Variants in DSN1 observed in about 807,000 individuals in gnomAD.
DSN1 encodes kinetochore-associated protein DSN1 homolog.
Under a neutral mutation model 45.7 loss-of-function variants are expected in DSN1, and 31 were observed. The ratio of observed to expected loss-of-function variants is 0.68; its 90% CI spans 0.51 to 0.92. DSN1 has a LOEUF of 0.92. Ranked by LOEUF, DSN1 falls within the 40% of genes least tolerant of loss-of-function variation. The pLI, the probability that DSN1 is intolerant of heterozygous loss-of-function variation, is 0.00. For synonymous variants in DSN1, 134 were observed against 142.3 expected, an observed-to-expected ratio of 0.94 and a Z score of 0.41; for missense variants, 394 against 414.2, an observed-to-expected ratio of 0.95 and a Z score of 0.42.
intron 8 of DSN1, among the ~76,000 whole-genome samples, chr20:36,756,984 T>C (rs1287765654): frequency 6.6e-6 from 1 of 152,228 alleles, no homozygotes; most frequent in African/African-American, 2.4e-5. Context: ...GACTAACATT[T>C]TGTAGTTGGG....
intron 8 of DSN1, among the ~76,000 whole-genome samples, chr20:36,757,292 G>C (rs1986724587): frequency 6.6e-6 from 1 of 151,912 alleles, no homozygotes; most frequent in African/African-American, 2.4e-5. Flanking sequence ...GGAGTTGGAG[G>C]CTGCAGTGAG....
intron 5 of DSN1, among the ~76,000 whole-genome samples, chr20:36,766,565 G>T (rs1433967720): frequency 1.3e-5 from 2 of 152,112 alleles, no homozygotes; most frequent in Non-Finnish European, 2.9e-5. Flanking sequence ...TCAGGCAGGA[G>T]AATTGGTTGA....
chr20:36,771,451 G>A lies in DSN1; in HGVS notation c.8C>T (p.Ser3Leu). The change falls in exon 2 of 11, where the codon TCA becomes TTA. Residue 3 changes from serine to leucine, a missense_variant. Transcript: ENST00000373750. Reference protein sequence around the residue: MTSVTRSEIIDEK... With the variant: MTLVTRSEIIDEK... ...ATCTATGATCTCTGATCTAGTCACTGAAGTCATCCTAGGTGGTAAACTCTG... is the reference window on the plus strand; with the variant it reads ...ATCTATGATCTCTGATCTAGTCACTAAAGTCATCCTAGGTGGTAAACTCTG... 6.2e-7 allele frequency: 1 copy of A among 1,613,480 alleles called. No homozygotes were observed. Among genetic ancestry groups the A allele is most frequent in the East Asian group, 2.2e-5 (1 of 44,872 alleles).
chr20:36,762,900 A>T (rs1447262927), intron 5 of DSN1, among the ~76,000 whole-genome samples: 1 of 152,102 alleles, frequency 6.6e-6, no homozygotes, highest in Non-Finnish European at 1.5e-5. Flanking sequence ...GAATATAGGC[A>T]GCACCACCAT....
chr20:36,768,076 GATAGTTAC>G (rs1987447048), intron 3 of DSN1, 34 bp from the exon 4 acceptor site: 2 of 1,608,188 alleles, frequency 1.2e-6, no homozygotes, highest in Non-Finnish European at 1.7e-6. Context: ...TAAGGAGCTG[GATAGTTAC>G]ATAGTTAGCA....
At chr20:36,769,940 CAG>C (rs147257254) in intron 3 of DSN1, among the ~76,000 whole-genome samples, 865 of 84,982 alleles carry the variant, frequency 0.01, 5 homozygotes, top group Non-Finnish European at 0.011. Flanking sequence ...CACACACACA[CAG>C]AGAGAGAGAG....
Position 36,752,821 on chromosome 20 carries a change from G to A in DSN1, c.1038C>T (p.Ala346=), listed in dbSNP as rs1986443440. The change falls in exon 11 of 11, where the codon GCC becomes GCT. Residue 346 remains alanine (A), a synonymous_variant. Transcript: ENST00000373750. ...LLKLQLQNPP[A]IHGSGSGSCQ is the part of the protein sequence containing the mutation. ...AAGATCCAGATCCAGATCCATGTAT[G>A]GCAGGTGGGTTCTGTAGCTGAAGCT... The A allele has an allele frequency of 1.2e-6, 2 of 1,614,196 alleles. No homozygotes were observed. Among genetic ancestry groups the A allele is most frequent in the South Asian group, 1.1e-5 (1 of 91,090 alleles).
intron 1 of DSN1, 108 bp from the exon 2 acceptor site, chr20:36,771,581 G>T: frequency 2.0e-6 from 2 of 979,022 alleles, no homozygotes; most frequent in Non-Finnish European, 3.1e-6. Flanking sequence ...GCCTCTCTGA[G>T]CTACCCTTAT....
At chr20:36,763,450 C>CA (rs1299181851) in intron 5 of DSN1, among the ~76,000 whole-genome samples, 1 of 132,832 alleles carries the variant, frequency 7.5e-6, no homozygotes, top group Middle Eastern at 3.9e-3. Context: ...AGGCAATAGG[C>CA]AAGAGGGTAA....
At position 36,752,858 on chromosome 20, in the gene DSN1, C is replaced by T. The variant is rs143517734; in HGVS notation, c.1001G>A (p.Arg334Gln). 9 of 1,614,034 alleles carry T rather than the reference C, an allele frequency of 5.6e-6. No individual in the cohort carries two copies. Among genetic ancestry groups the T allele is most frequent in the African/African-American group, 5.3e-5 (4 of 74,916 alleles). ...SMQQLDPSPA[R>Q]KLLKLQLQNP... Reference sequence around the variant, plus strand: ...CTGTAGCTGAAGCTTCAACAGTTTTCGAGCTGGTGAGGGATCTAATTGTTG... The same window carrying T: ...CTGTAGCTGAAGCTTCAACAGTTTTTGAGCTGGTGAGGGATCTAATTGTTG... Residue 334 changes from arginine to glutamine, a missense_variant, in exon 11 of 11, where the codon CGA becomes CAA. Arg to Gln is a conservative substitution (Grantham distance 43). Transcript: ENST00000373750.
Position 36,758,572 on chromosome 20 carries a change from C to T in DSN1, c.636G>A (p.Lys212=). The T allele has an allele frequency of 6.2e-7, 1 of 1,611,176 alleles. No homozygotes were observed. Among genetic ancestry groups the T allele is most frequent in the South Asian group, 1.1e-5 (1 of 90,652 alleles). ...FSLEASVAEM[K]EYITKFSLER... ...GGTTAACTTACTTTGTTATGTATTC[C>T]TTCATCTCAGCCACAGATGCTTCCA... The change falls in exon 7 of 11, where the codon AAG becomes AAA. Residue 212 remains lysine, a synonymous_variant. Transcript: ENST00000373750.
chr20:36,770,793 C>T, intron 3 of DSN1, 80 bp downstream of exon 3: 1 of 1,474,314 alleles, frequency 6.8e-7, no homozygotes, highest in South Asian at 1.3e-5. Flanking sequence ...TTCTGCCATA[C>T]CTCACTGCCT....
intron 5 of DSN1, among the ~76,000 whole-genome samples, chr20:36,765,272 A>AT (rs1987253946): frequency 6.6e-6 from 1 of 150,886 alleles, no homozygotes; most frequent in South Asian, 2.1e-4. Flanking sequence ...AAAAAAAAAA[A>AT]AGGCCAGATG....
At chr20:36,765,915 G>A (rs868512392) in intron 5 of DSN1, among the ~76,000 whole-genome samples, 2 of 150,348 alleles carry the variant, frequency 1.3e-5, no homozygotes, top group East Asian at 3.9e-4. Flanking sequence ...AATCCAGGCC[G>A]GGCACAGTGG....
intron 3 of DSN1, 53 bp downstream of exon 3, chr20:36,770,820 C>G: frequency 1.3e-6 from 2 of 1,539,312 alleles, no homozygotes; most frequent in South Asian, 1.3e-5. Flanking sequence ...TGAGCTGGAA[C>G]CTGTCTCTTA....
Position 36,768,008 on chromosome 20 carries a change from T to C in DSN1, c.390A>G (p.Glu130=). 2 of 1,614,158 alleles carry C rather than the reference T, an allele frequency of 1.2e-6. No individual in the cohort carries two copies. The highest frequency in any genetic ancestry group is 1.7e-6 in the Non-Finnish European group (2 of 1,180,014). Residue 130 remains glutamate (E), a synonymous_variant, in exon 4 of 11, where the codon GAA becomes GAG. Transcript: ENST00000373750. ...LSRSISVDLA[E]SKRLGCLLLS... Reference sequence around the variant, plus strand: ...GCAGGAGACAGCCAAGCCGTTTGCTTTCTGCTAAATCGACACTGATAGACC... The same window carrying C: ...GCAGGAGACAGCCAAGCCGTTTGCTCTCTGCTAAATCGACACTGATAGACC...
Position 36,766,806 on chromosome 20 carries a change from G to C in DSN1, c.465C>G (p.Asp155Glu). The C allele has an allele frequency of 6.2e-7, 1 of 1,609,676 alleles. No individual in the cohort carries two copies. Among genetic ancestry groups the C allele is most frequent in the Non-Finnish European group, 8.5e-7 (1 of 1,179,062 alleles). ...AACTTTCAAGACTGAAGCCCTTAGTGTCCCTTAGGAAAGGTTCAAGTTTCT... is the reference window on the plus strand; with the variant it reads ...AACTTTCAAGACTGAAGCCCTTAGTCTCCCTTAGGAAAGGTTCAAGTTTCT... ...SIQKLEPFLR[D>E]TKGFSLESFR... Residue 155 changes from aspartate (D) to glutamate (E), a missense_variant, in exon 5 of 11, where the codon GAC becomes GAG. Transcript: ENST00000373750.
intron 1 of DSN1, among the ~76,000 whole-genome samples, chr20:36,772,315 A>C (rs1360647861): frequency 6.6e-6 from 1 of 150,530 alleles, no homozygotes; most frequent in Non-Finnish European, 1.5e-5. Flanking sequence ...TTGAGGTGGA[A>C]TCTCACTCTG....
chr20:36,752,085 C>T lies in DSN1; in HGVS notation c.*703G>A, dbSNP rs1348781101. 1.3e-5 allele frequency: 2 copies of T among 151,810 alleles called. No individual in the cohort carries two copies. Among genetic ancestry groups the T allele is most frequent in the African/African-American group, 4.8e-5 (2 of 41,300 alleles). 9.4% of individuals were successfully genotyped at this position (151,810 alleles called of 1,614,324 possible). On this transcript the variant is annotated 3_prime_UTR_variant, in exon 11 of 11. Coordinates refer to ENST00000373750, the MANE Select transcript of DSN1 (RefSeq NM_001145315.2). ...TTTAATTTTTTTTAAGACAGTGTCT[C>T]ACTCTGTCGCTCAGGCTGGAGTGCA...
Sources: allele counts gnomAD v4.1 joint callset (sites outside exome capture counted in the v4.1 genomes callset), GRCh38; gene constraint gnomAD v4.1.1; transcripts MANE v1.5; gene names NCBI Gene and HGNC (gene_info 2026-07-23, HGNC 2026-07-21).